The following PTER variants were observed in gnomAD, a reference collection of about 807,000 sequenced individuals.
PTER encodes N-acetyltaurine hydrolase.
In PTER, 38 loss-of-function variants were observed where a neutral mutation model predicts 29.6. That is an observed-to-expected ratio of 1.28 (90% CI 0.99 to 1.68). PTER has a LOEUF of 1.68. PTER is among the 40% of genes most tolerant of loss of function. PTER has a pLI of 0.00. For missense variants in PTER, 482 were observed against 427.8 expected, an observed-to-expected ratio of 1.13 and a Z score of -1.12; for synonymous variants, 172 against 154.5, an observed-to-expected ratio of 1.11 and a Z score of -0.84.
intron 3 of PTER, among the ~76,000 whole-genome samples, chr10:16,500,620 G>T (rs2133490396): frequency 6.6e-6 from 1 of 152,356 alleles, no homozygotes; most frequent in South Asian, 2.1e-4. Context: ...CCTCTAGAAA[G>T]ACATCTCTGC....
intron 1 of PTER, among the ~76,000 whole-genome samples, chr10:16,464,998 A>C (rs998112298): frequency 6.6e-6 from 1 of 152,078 alleles, no homozygotes; most frequent in African/African-American, 2.4e-5. Flanking sequence ...AAACCATCAG[A>C]TCTCGTGAGA....
At chr10:16,476,299 C>G (rs1456313206) in intron 1 of PTER, 1 of 152,228 alleles carries the variant, frequency 6.6e-6, no homozygotes, top group African/African-American at 2.4e-5. Context: ...CCAGGCTGGT[C>G]TCGAACTCCT....
intron 1 of PTER, among the ~76,000 whole-genome samples, chr10:16,457,342 A>G (rs980763107): frequency 1.3e-5 from 2 of 151,778 alleles, no homozygotes; most frequent in African/African-American, 4.8e-5. Context: ...CCTCCCGAGT[A>G]GCTGGGACTA....
intron 1 of PTER, among the ~76,000 whole-genome samples, chr10:16,454,705 C>A (rs570514257): frequency 4.1e-4 from 63 of 151,894 alleles, no homozygotes; most frequent in Non-Finnish European, 7.7e-4. Context: ...ATATAATTTC[C>A]ATTTTTATGG....
downstream of PTER, among the ~76,000 whole-genome samples, chr10:16,516,820 C>T (rs1388582000): frequency 1.3e-5 from 2 of 152,184 alleles, no homozygotes; most frequent in African/African-American, 2.4e-5. Flanking sequence ...AAAGGTTACC[C>T]TCACAGTTTC....
chr10:16,466,873 A>G (rs1157864018), intron 1 of PTER, among the ~76,000 whole-genome samples: 3 of 152,218 alleles, frequency 2.0e-5, no homozygotes, highest in African/African-American at 7.2e-5. Context: ...ATTCCTGAGG[A>G]TGGTCTATAC....
At chr10:16,456,299 T>C (rs1356209214) in intron 1 of PTER, among the ~76,000 whole-genome samples, 2 of 152,210 alleles carry the variant, frequency 1.3e-5, no homozygotes, top group Admixed American at 1.3e-4. Context: ...CTGTTCTCAC[T>C]TAAACATTGA....
intron 3 of PTER, among the ~76,000 whole-genome samples, chr10:16,487,586 A>C (rs920461886): frequency 1.3e-5 from 2 of 152,194 alleles, no homozygotes; most frequent in Non-Finnish European, 2.9e-5. Flanking sequence ...ATATGGACCT[A>C]TCTTGTTGGG....
chr10:16,516,401 C>T (rs1836951504), downstream of PTER, among the ~76,000 whole-genome samples: 1 of 152,052 alleles, frequency 6.6e-6, no homozygotes, highest in Non-Finnish European at 1.5e-5. Flanking sequence ...AACAAATCTA[C>T]AAGAAGGATA....
chr10:16,491,171 C>T (rs902088202), intron 3 of PTER, among the ~76,000 whole-genome samples: 3 of 152,104 alleles, frequency 2.0e-5, no homozygotes, highest in Non-Finnish European at 4.4e-5. Flanking sequence ...CTAGAGCAGC[C>T]ATCCATTCTG....
At chr10:16,459,288 G>A (rs1479277273) in intron 1 of PTER, among the ~76,000 whole-genome samples, 1 of 152,082 alleles carries the variant, frequency 6.6e-6, no homozygotes, top group Non-Finnish European at 1.5e-5. Context: ...TGTCACTTGG[G>A]CAAGTATATT....
chr10:16,503,896 A>G (rs1836460175), intron 3 of PTER, among the ~76,000 whole-genome samples: 1 of 152,200 alleles, frequency 6.6e-6, no homozygotes, highest in Non-Finnish European at 1.5e-5. Flanking sequence ...CAGCATGGAT[A>G]AAAAGCCAAT....
intron 4 of PTER, among the ~76,000 whole-genome samples, chr10:16,506,301 T>C (rs1040090750): frequency 3.3e-5 from 5 of 152,000 alleles, no homozygotes; most frequent in Non-Finnish European, 7.4e-5. Context: ...AGCAAGGAGA[T>C]GGGTCTGGAG....
At chr10:16,506,879 T>C (rs1202171220) in intron 4 of PTER, among the ~76,000 whole-genome samples, 4 of 151,988 alleles carry the variant, frequency 2.6e-5, no homozygotes, top group East Asian at 3.9e-4. Context: ...CGAGACCTAG[T>C]TGAGTCTAGA....
At chr10:16,440,340 C>T (rs1228843898) in intron 1 of PTER, among the ~76,000 whole-genome samples, 1 of 152,008 alleles carries the variant, frequency 6.6e-6, no homozygotes, top group East Asian at 1.9e-4. Flanking sequence ...CATGAGCCAC[C>T]ACGCCCGGCC....
intron 1 of PTER, among the ~76,000 whole-genome samples, chr10:16,480,980 C>G (rs1318758661): frequency 6.6e-6 from 1 of 152,234 alleles, no homozygotes; most frequent in African/African-American, 2.4e-5. Flanking sequence ...CTCTGATTCT[C>G]TTCTCTTATC....
intron 1 of PTER, among the ~76,000 whole-genome samples, chr10:16,472,004 C>T: frequency 6.6e-6 from 1 of 152,218 alleles, no homozygotes; most frequent in East Asian, 1.9e-4. Flanking sequence ...TCCACGCTCA[C>T]TACAATCTTC....
At position 16,484,520 on chromosome 10, in the gene PTER, G is replaced by A. The variant is rs1422331310; in HGVS notation, c.136G>A (p.Ala46Thr). 4 of 1,613,942 alleles carry A rather than the reference G, an allele frequency of 2.5e-6. No homozygotes were observed. The highest frequency in any genetic ancestry group is 1.3e-5 in the African/African-American group (1 of 74,900). Residue 46 changes from alanine to threonine, a missense_variant, in exon 2 of 5, where the codon GCT becomes ACT. Physicochemically the swap from Ala to Thr is moderately conservative, Grantham distance 58 (BLOSUM62 0). Transcript: ENST00000535784. Reference sequence around the variant, plus strand: ...CTGTCCACCTCCCCCGTGCCAGGAAGCTATTTCCAAAGAACCTATCGTGAT... The same window carrying A: ...CTGTCCACCTCCCCCGTGCCAGGAAACTATTTCCAAAGAACCTATCGTGAT... ...CYCPPPPCQEAISKEPIVMKN... is the reference protein window; with the variant it reads ...CYCPPPPCQETISKEPIVMKN...
intron 3 of PTER, among the ~76,000 whole-genome samples, chr10:16,491,000 C>T (rs991304563): frequency 7.2e-5 from 11 of 151,826 alleles, no homozygotes; most frequent in African/African-American, 2.7e-4. Context: ...TATATACACA[C>T]ACATATGTAT....
Sources: gnomAD v4.1 joint callset for allele counts (sites outside exome capture counted in the v4.1 genomes callset) on GRCh38, gnomAD v4.1.1 for gene constraint, MANE v1.5 for transcripts, NCBI Gene and HGNC (gene_info 2026-07-23, HGNC 2026-07-21) for gene names.